CPQ: variants seen among roughly 807,000 people sequenced by gnomAD.
CPQ encodes the protein carboxypeptidase Q.
A neutral mutation model predicts 45.7 loss-of-function variants in CPQ; 37 were observed. That is an observed-to-expected ratio of 0.81 (90% CI 0.62 to 1.07). CPQ has a LOEUF of 1.07. Among genes scored for constraint, CPQ ranks in the 50% least tolerant of loss-of-function variants. The pLI is 0.00. For missense variants in CPQ, 537 were observed against 572.9 expected, an observed-to-expected ratio of 0.94 and a Z score of 0.64; for synonymous variants, 186 against 205.8, an observed-to-expected ratio of 0.90 and a Z score of 0.82.
chr8:96,763,633 A>G (rs1424618789), intron 1 of CPQ, among the ~76,000 whole-genome samples: 1 of 152,166 alleles, frequency 6.6e-6, no homozygotes. Context: ...ATCTGCAAAA[A>G]GTAGAGCTGA....
At chr8:96,734,642 C>T (rs549971037) in intron 1 of CPQ, among the ~76,000 whole-genome samples, 14 of 151,706 alleles carry the variant, frequency 9.2e-5, no homozygotes, top group East Asian at 1.9e-4. Context: ...AGCTGGGAGG[C>T]GGAGGTTGCA....
At chr8:97,080,176 C>T (rs1586531216) in intron 7 of CPQ, among the ~76,000 whole-genome samples, 1 of 152,196 alleles carries the variant, frequency 6.6e-6, no homozygotes, top group South Asian at 2.1e-4. Flanking sequence ...GAAGTTTTGC[C>T]AAATTAAGTC....
At chr8:97,039,932 A>G (rs529791068) in intron 6 of CPQ, among the ~76,000 whole-genome samples, 2,075 of 151,748 alleles carry the variant, frequency 0.014, 18 homozygotes, top group South Asian at 0.05. Context: ...GAATAGTGCC[A>G]CAATAAACAT....
At chr8:96,992,005 T>C (rs1266984359) in intron 5 of CPQ, among the ~76,000 whole-genome samples, 1 of 152,198 alleles carries the variant, frequency 6.6e-6, no homozygotes, top group Non-Finnish European at 1.5e-5. Flanking sequence ...GTCTCAGTAC[T>C]TGGCCACAGA....
rs373828987 is a variant in CPQ at position 96,940,390 on chromosome 8, A to G, written c.850-25545A>G. ...TTTCTTTTTACCAAATTTGACTTTA[A>G]CAGCAAACTGGATTGTGTGTACTCT... is the stretch of plus-strand genomic sequence containing the variant. On this transcript the variant is annotated intron_variant, in intron 4 of 7. Coordinates refer to ENST00000220763, the MANE Select transcript of CPQ (RefSeq NM_016134.4). Among the ~76,000 whole-genome samples, 43 of 152,298 alleles carry G rather than the reference A, an allele frequency of 2.8e-4. No homozygotes were observed. The East Asian group carries it at 7.3e-3, about 26-fold the overall frequency.
chr8:96,782,195 G>C (rs1810695997), intron 1 of CPQ, among the ~76,000 whole-genome samples: 3 of 152,176 alleles, frequency 2.0e-5, no homozygotes, highest in Non-Finnish European at 4.4e-5. Flanking sequence ...ATTTCTACCT[G>C]GATCCCCAGG....
intron 2 of CPQ, among the ~76,000 whole-genome samples, chr8:96,832,131 GA>G (rs1811468071): frequency 6.6e-6 from 1 of 152,112 alleles, no homozygotes; most frequent in Non-Finnish European, 1.5e-5. Context: ...TCTCATAGCT[GA>G]TAGGTTTAAA....
intron 5 of CPQ, among the ~76,000 whole-genome samples, chr8:97,004,451 G>A (rs1809344442): frequency 1.3e-5 from 2 of 151,856 alleles, no homozygotes; most frequent in Non-Finnish European, 2.9e-5. Context: ...CATACACTGT[G>A]GGAAAATAAT....
intron 2 of CPQ, among the ~76,000 whole-genome samples, chr8:96,827,302 C>T (rs1463671885): frequency 6.6e-6 from 1 of 151,974 alleles, no homozygotes; most frequent in Non-Finnish European, 1.5e-5. Context: ...TTCCTTGGTT[C>T]TCTCATCCAC....
At chr8:96,994,842 ATACTT>A (rs1303341124) in intron 5 of CPQ, among the ~76,000 whole-genome samples, 2 of 152,042 alleles carry the variant, frequency 1.3e-5, no homozygotes, top group Non-Finnish European at 1.5e-5. Flanking sequence ...CATGATAAAA[ATACTT>A]TATTTCATCA....
intron 1 of CPQ, among the ~76,000 whole-genome samples, chr8:96,701,779 CT>C (rs1809465798): frequency 6.6e-6 from 1 of 152,190 alleles, no homozygotes; most frequent in Admixed American, 6.5e-5. Context: ...GGGTTGCCAG[CT>C]AAAGCCCTGA....
At chr8:96,681,897 G>C (rs1295654913) in intron 1 of CPQ, among the ~76,000 whole-genome samples, 1 of 152,178 alleles carries the variant, frequency 6.6e-6, no homozygotes, top group Admixed American at 6.5e-5. Context: ...TTTCGGACTT[G>C]CATGGGGCCT....
intron 4 of CPQ, among the ~76,000 whole-genome samples, chr8:96,950,329 G>T (rs1813242629): frequency 6.6e-6 from 1 of 152,122 alleles, no homozygotes; most frequent in Non-Finnish European, 1.5e-5. Context: ...AACTGAACTT[G>T]CTGGATTCTG....
At chr8:96,711,348 G>A (rs1386220486) in intron 1 of CPQ, among the ~76,000 whole-genome samples, 3 of 152,072 alleles carry the variant, frequency 2.0e-5, no homozygotes, top group Admixed American at 6.6e-5. Flanking sequence ...TGAGATGTGT[G>A]TACTGTTCAG....
chr8:97,116,902 T>C (rs190272985), intron 7 of CPQ, among the ~76,000 whole-genome samples: 1 of 152,352 alleles, frequency 6.6e-6, no homozygotes, highest in Admixed American at 6.5e-5. Context: ...GTAGATCCTC[T>C]GTTGGCAACT....
intron 2 of CPQ, among the ~76,000 whole-genome samples, chr8:96,794,893 A>C (rs1182896626): frequency 6.6e-6 from 1 of 152,116 alleles, no homozygotes; most frequent in Non-Finnish European, 1.5e-5. Context: ...CCTCATCTCC[A>C]TCTGAGAACA....
rs182356535 is a variant in CPQ, at chr8:96,977,416, C to T, written c.961+11370C>T. On this transcript the variant is annotated intron_variant, in intron 5 of 7. Coordinates refer to ENST00000220763, the MANE Select transcript of CPQ (RefSeq NM_016134.4). The stretch of plus-strand genomic sequence containing the variant: ...GGAATGTAAACTGGTACAAGCACTG[C>T]GGAAAACAGTGTGGATAATCTTTAA... Among the ~76,000 whole-genome samples the T allele has an allele frequency of 1.1e-4, 16 of 152,006 alleles. No homozygotes were observed. The East Asian group carries it at 2.3e-3, about 22-fold the overall frequency.
At chr8:96,908,747 G>GCGCGCGCACACACACACACACACA (rs149476038) in intron 4 of CPQ, among the ~76,000 whole-genome samples, 65 of 141,016 alleles carry the variant, frequency 4.6e-4, no homozygotes, top group African/African-American at 1.5e-3. Context: ...ATACACATGC[G>GCGCGCGCACACACACACACACACA]CACACACACA....
chr8:96,712,691 T>C (rs894142191), intron 1 of CPQ, among the ~76,000 whole-genome samples: 17 of 152,242 alleles, frequency 1.1e-4, no homozygotes, highest in South Asian at 2.1e-4. Context: ...GCATAGAGCA[T>C]GGGGGCCCTG....
Sources: gnomAD v4.1 joint callset for allele counts (sites outside exome capture counted in the v4.1 genomes callset) on GRCh38, gnomAD v4.1.1 for gene constraint, MANE v1.5 for transcripts, NCBI Gene and HGNC (gene_info 2026-07-23, HGNC 2026-07-21) for gene names.